Variants in FMNL1 observed in about 807,000 individuals in gnomAD.
FMNL1 encodes the protein formin like 1, also known as formin-like protein 1.
Under a neutral mutation model 121.3 loss-of-function variants are expected in FMNL1, and 43 were observed. The observed-to-expected ratio is 0.35, with a 90% CI of 0.28 to 0.46. The LOEUF is 0.46. Ranked by LOEUF, FMNL1 falls within the 20% of genes least tolerant of loss-of-function variation. The pLI is 1.00. For synonymous variants in FMNL1, 613 were observed against 613.5 expected, an observed-to-expected ratio of 1.00 and a Z score of 0.01; for missense variants, 1,191 against 1,482.4, an observed-to-expected ratio of 0.80 and a Z score of 3.23.
intron 1 of FMNL1, among the ~76,000 whole-genome samples, chr17:45,225,769 G>C (rs943720989): frequency 4.5e-4 from 68 of 152,266 alleles, no homozygotes; most frequent in African/African-American, 1.6e-3. Flanking sequence ...TGGGGGTTGA[G>C]ATTCATTTTT....
chr17:45,242,168 G>A (rs1485121066), intron 15 of FMNL1, 22 bp downstream of exon 15: 2 of 1,522,600 alleles, frequency 1.3e-6, no homozygotes, highest in Non-Finnish European at 1.8e-6. Flanking sequence ...GGACCACCTT[G>A]GGCCCGGGGC....
chr17:45,242,210 C>T, intron 15 of FMNL1, 64 bp downstream of exon 15: 1 of 1,543,824 alleles, frequency 6.5e-7, no homozygotes, highest in Non-Finnish European at 8.7e-7. Flanking sequence ...GCCTGGGCCT[C>T]AGTGTCCTCC....
chr17:45,234,852 A>T (rs931787216), intron 6 of FMNL1: 1 of 154,398 alleles, frequency 6.5e-6, no homozygotes, highest in African/African-American at 2.4e-5. Context: ...TCTCCCCGGT[A>T]CGTAGCCATC....
At chr17:45,232,274 C>T (rs1229910963) in intron 2 of FMNL1, 93 bp from the exon 3 acceptor site, 7 of 1,115,570 alleles carry the variant, frequency 6.3e-6, no homozygotes, top group African/African-American at 4.7e-5. Flanking sequence ...GACCTCAGAT[C>T]GGAGCTGAGA....
At position 45,240,644 on chromosome 17, in the gene FMNL1, C is replaced by A; in HGVS notation, c.1230+19C>A. ...GGCGCTGGTGAGAGTGGGTCCTGAC[C>A]CCAGCCCAGCACATCATAGGCCCAC... On this transcript the variant is annotated intron_variant, in intron 12 of 26. Transcript: ENST00000331495. The A allele has an allele frequency of 6.2e-7, 1 of 1,608,622 alleles. No homozygotes were observed. Among genetic ancestry groups the A allele is most frequent in the South Asian group, 1.1e-5 (1 of 90,496 alleles).
At position 45,241,468 on chromosome 17, in the gene FMNL1, C is replaced by T. The variant is rs531566449; in HGVS notation, c.1419C>T (p.Pro473=). Residue 473 remains proline, a synonymous_variant, in exon 14 of 27, where the codon CCC becomes CCT. Transcript: ENST00000331495. The surrounding 1 kb of genome is among the most constrained non-coding windows in gnomAD (Gnocchi z 7.0). ...EKAPPAAPTR[P]SALELKVEEL... ...CGCCTCCCGCTGCCCCGACGCGGCCCTCGGCCCTGGAGCTGAAGGTGGAGG... is the reference window on the plus strand; with the variant it reads ...CGCCTCCCGCTGCCCCGACGCGGCCTTCGGCCCTGGAGCTGAAGGTGGAGG... The T allele has an allele frequency of 1.3e-6, 2 of 1,572,066 alleles. No homozygotes were observed. Among genetic ancestry groups the T allele is most frequent in the African/African-American group, 1.3e-5 (1 of 74,288 alleles).
chr17:45,233,898 C>A lies in FMNL1; in HGVS notation c.485+167C>A. ...CTCCTTCCAGAAGGCCTGCCCCCGA[C>A]AGGGAGGGGTGGCCTCTCTTCCACC... On this transcript the variant is annotated intron_variant, in intron 5 of 26. Transcript: ENST00000331495. This position sits in a 1 kb window ranked among gnomAD's most constrained non-coding sequence, Gnocchi z 4.1. The A allele has an allele frequency of 3.0e-6, 4 of 1,314,194 alleles. No homozygotes were observed. The highest frequency in any genetic ancestry group is 4.1e-6 in the Non-Finnish European group (4 of 969,266). 81.4% of individuals were successfully genotyped at this position (1,314,194 alleles called of 1,614,324 possible).
In FMNL1 at chr17:45,241,342, G is replaced by A. The variant is rs1254608586; in HGVS notation, c.1333-40G>A. ...GAAGATGGAGGCTTGGTGCCAAGGA[G>A]CCTGCTGGTGGGCACTGACCCCTCC... On this transcript the variant is annotated intron_variant, in intron 13 of 26. Coordinates refer to ENST00000331495, the MANE Select transcript of FMNL1 (RefSeq NM_005892.4). The surrounding 1 kb of genome is among the most constrained non-coding windows in gnomAD (Gnocchi z 7.0). 1 of 1,585,914 alleles carries A rather than the reference G, an allele frequency of 6.3e-7. No individual in the cohort carries two copies. Among genetic ancestry groups the A allele is most frequent in the Non-Finnish European group, 8.6e-7 (1 of 1,165,968 alleles).
chr17:45,223,785 A>G (rs576892263), intron 1 of FMNL1, among the ~76,000 whole-genome samples: 24 of 152,098 alleles, frequency 1.6e-4, no homozygotes, highest in Admixed American at 5.2e-4. Context: ...GTGTGTGTCT[A>G]TGGTCGCGGG....
At position 45,246,913 on chromosome 17, in the gene FMNL1, T is replaced by G; in HGVS notation, c.*55T>G. 1 of 758,240 alleles carries G rather than the reference T, an allele frequency of 1.3e-6. No homozygotes were observed. 47.0% of individuals were successfully genotyped at this position (758,240 alleles called of 1,614,324 possible). A position where few individuals can be genotyped will look rare whatever the true frequency, so the allele number is the denominator to read the frequency against. On this transcript the variant is annotated 3_prime_UTR_variant, in exon 27 of 27. Transcript: ENST00000331495. ...TCCGCGCAGACACAGGCCGCCGCAGTGCCCGTCGGCGTCCCCCGGGCCCCC... is the reference window on the plus strand; with the variant it reads ...TCCGCGCAGACACAGGCCGCCGCAGGGCCCGTCGGCGTCCCCCGGGCCCCC...
Position 45,222,124 on chromosome 17 carries a change from C to A in FMNL1, c.-1C>A. ...GCCTGGCCGGCTGGGTGGGGACCAC[C>A]ATGGGCAACGCGGCCGGCAGCGCCG... On this transcript the variant is annotated 5_prime_UTR_variant, in exon 1 of 27. Transcript: ENST00000331495. The A allele has an allele frequency of 8.5e-7, 1 of 1,171,682 alleles. No homozygotes were observed. The highest frequency in any genetic ancestry group is 1.1e-6 in the Non-Finnish European group (1 of 952,050). The allele number at this position is 1,171,682 out of a possible 1,614,324, so 72.6% of individuals were successfully genotyped here.
At chr17:45,234,549 A>G in intron 6 of FMNL1, 1 of 335,494 alleles carries the variant, frequency 3.0e-6, no homozygotes. Flanking sequence ...CTGTAATCCT[A>G]GCTACTCAGG....
chr17:45,230,918 T>C (rs1423490281), intron 2 of FMNL1, among the ~76,000 whole-genome samples: 4 of 152,126 alleles, frequency 2.6e-5, no homozygotes, highest in African/African-American at 9.7e-5. Flanking sequence ...CTGGGTCAGC[T>C]TCAGAGGAGC....
chr17:45,235,720 A>G (rs2043535180), intron 6 of FMNL1, among the ~76,000 whole-genome samples: 1 of 152,190 alleles, frequency 6.6e-6, no homozygotes, highest in Non-Finnish European at 1.5e-5. Context: ...GAAGCGAGGA[A>G]AGTGAGGGAT....
intron 12 of FMNL1, chr17:45,240,882 G>C: frequency 1.4e-6 from 1 of 702,468 alleles, no homozygotes; most frequent in Non-Finnish European, 2.3e-6. Flanking sequence ...GAACTGAAAT[G>C]GGTGCCTGGG....
chr17:45,227,275 T>A (rs141569552), intron 1 of FMNL1, among the ~76,000 whole-genome samples: 1 of 152,006 alleles, frequency 6.6e-6, no homozygotes, highest in Non-Finnish European at 1.5e-5. Flanking sequence ...TGTGGCTGTG[T>A]CCAGATGTGG....
intron 11 of FMNL1, among the ~76,000 whole-genome samples, chr17:45,239,492 G>A (rs1447158130): frequency 6.6e-6 from 1 of 152,190 alleles, no homozygotes; most frequent in African/African-American, 2.4e-5. Flanking sequence ...ACATGGAGGA[G>A]TTCCCTGCCC....
In FMNL1 at chr17:45,244,805, C is replaced by A; in HGVS notation, c.2518-14C>A. ...CTCTGGCATTCTGCTGAGCCTTTCTCCTGCCTCTCCCAGATTGTCCTGGCC... is the reference window on the plus strand; with the variant it reads ...CTCTGGCATTCTGCTGAGCCTTTCTACTGCCTCTCCCAGATTGTCCTGGCC... On this transcript the variant is annotated splice_polypyrimidine_tract_variant and intron_variant, in intron 19 of 26. Coordinates refer to ENST00000331495, the MANE Select transcript of FMNL1 (RefSeq NM_005892.4). 6.2e-7 allele frequency: 1 copy of A among 1,606,148 alleles called. No individual in the cohort carries two copies. The highest frequency in any genetic ancestry group is 8.5e-7 in the Non-Finnish European group (1 of 1,176,004).
intron 11 of FMNL1, chr17:45,239,351 CAGGTCAAGGT>C: frequency 2.5e-6 from 1 of 398,774 alleles, no homozygotes; most frequent in Non-Finnish European, 4.7e-6. Context: ...GGCACCAGAA[CAGGTCAAGGT>C]AGCCCAGAGT....
Sources: gnomAD v4.1 joint callset for allele counts (sites outside exome capture counted in the v4.1 genomes callset) on GRCh38, gnomAD v4.1.1 for gene constraint, Gnocchi (gnomAD v3.1) non-coding constraint, MANE v1.5 for transcripts, NCBI Gene and HGNC (gene_info 2026-07-23, HGNC 2026-07-21) for gene names.